The following MELK variants were observed in gnomAD, a reference collection of about 807,000 sequenced individuals.
MELK encodes maternal embryonic leucine zipper kinase.
In MELK, 81 loss-of-function variants were observed where a neutral mutation model predicts 85.0. The ratio of observed to expected loss-of-function variants is 0.95; its 90% confidence interval spans 0.80 to 1.15. The LOEUF (loss-of-function observed/expected upper bound fraction) is 1.15, where lower values mean the gene tolerates loss of function less well. Among genes scored for constraint, MELK ranks in the 50% most tolerant of loss-of-function variants. MELK has a pLI of 0.00. For missense variants in MELK, 754 were observed against 777.5 expected, an observed-to-expected ratio of 0.97 and a Z score of 0.36; for synonymous variants, 252 against 265.0, an observed-to-expected ratio of 0.95 and a Z score of 0.48.
chr9:36,655,017 A>G (rs566618826), intron 12 of MELK, among the ~76,000 whole-genome samples: 2 of 152,242 alleles, frequency 1.3e-5, no homozygotes, highest in African/African-American at 2.4e-5. Flanking sequence ...TGATCGATCA[A>G]TCAATCAATA....
chr9:36,616,521 C>T (rs894687778), intron 8 of MELK, among the ~76,000 whole-genome samples: 2 of 151,304 alleles, frequency 1.3e-5, no homozygotes, highest in Admixed American at 6.6e-5. Context: ...TCCTGAATAG[C>T]TGGGATTACA....
At chr9:36,631,512 C>T (rs1057474020) in intron 9 of MELK, among the ~76,000 whole-genome samples, 26 of 151,772 alleles carry the variant, frequency 1.7e-4, no homozygotes, top group South Asian at 4.2e-4. Context: ...GTGATCCACC[C>T]GCCTTGGCCT....
In MELK at chr9:36,669,529, C is replaced by A. The variant is rs183468632; in HGVS notation, c.1505+123C>A. On this transcript the variant is annotated intron_variant, in intron 15 of 17. Coordinates refer to ENST00000298048, the MANE Select transcript of MELK (RefSeq NM_014791.4). ...AGATTCTGTTGGAGAGTAGGAATATCTGTTTATGTGTGGATGACCTGTGGC... is the reference window on the plus strand; with the variant it reads ...AGATTCTGTTGGAGAGTAGGAATATATGTTTATGTGTGGATGACCTGTGGC... The A allele has an allele frequency of 6.4e-5, 44 of 682,896 alleles. No individual in the cohort carries two copies. In the African/African-American group the frequency reaches 8.1e-4, roughly 13 times the overall value. The allele number at this position is 682,896 out of a possible 1,614,324, so 42.3% of individuals were successfully genotyped here.
chr9:36,630,749 GTT>G (rs1471264706), intron 9 of MELK, among the ~76,000 whole-genome samples: 3 of 152,074 alleles, frequency 2.0e-5, no homozygotes, highest in Non-Finnish European at 4.4e-5. Context: ...CGCCTTCTGG[GTT>G]CAAGTGCTTT....
At chr9:36,624,688 CTT>C (rs1159356911) in intron 8 of MELK, among the ~76,000 whole-genome samples, 1 of 152,114 alleles carries the variant, frequency 6.6e-6, no homozygotes, top group African/African-American at 2.4e-5. Flanking sequence ...GTAGAGCTCT[CTT>C]TATTTAGTAC....
At chr9:36,598,731 C>T (rs1006712436) in intron 6 of MELK, among the ~76,000 whole-genome samples, 2 of 151,970 alleles carry the variant, frequency 1.3e-5, no homozygotes, top group African/African-American at 2.4e-5. Flanking sequence ...ATAAATTTTT[C>T]CCCCCGGGAT....
intron 10 of MELK, among the ~76,000 whole-genome samples, chr9:36,639,323 A>G (rs1014081470): frequency 2.6e-5 from 4 of 152,168 alleles, no homozygotes; most frequent in Non-Finnish European, 5.9e-5. Context: ...GTTGCTTTTT[A>G]AAGGATTTGC....
intron 4 of MELK, 52 bp downstream of exon 4, chr9:36,589,704 TAAAAGAG>T (rs1295686883): frequency 7.6e-7 from 1 of 1,312,656 alleles, no homozygotes; most frequent in Admixed American, 1.8e-5. Context: ...TTATCAATAG[TAAAAGAG>T]AAAAGTACAT....
chr9:36,607,909 C>T lies in MELK; in HGVS notation c.666+236C>T, dbSNP rs533503041. ...CCCTTGTCAGCAGTTTTGCTTTCTG[C>T]GGTCTTAGTTGCCCATGGTCAACTG... On this transcript the variant is annotated intron_variant, in intron 8 of 17. Coordinates refer to ENST00000298048, the MANE Select transcript of MELK (RefSeq NM_014791.4). Among the ~76,000 whole-genome samples, 7 of 152,202 alleles carry T rather than the reference C, an allele frequency of 4.6e-5. No individual in the cohort carries two copies. In the South Asian group the frequency reaches 1.0e-3, roughly 23 times the overall value.
At chr9:36,581,867 A>G in intron 2 of MELK, 128 bp downstream of exon 2, 1 of 642,524 alleles carries the variant, frequency 1.6e-6, no homozygotes, top group Non-Finnish European at 2.6e-6. Context: ...CTTCAGTAAG[A>G]AAAAGTGGAG....
intron 8 of MELK, among the ~76,000 whole-genome samples, chr9:36,612,945 G>T (rs1826196132): frequency 6.6e-6 from 1 of 152,164 alleles, no homozygotes; most frequent in South Asian, 2.1e-4. Flanking sequence ...AACTAACATA[G>T]ATCATAACAT....
At chr9:36,619,612 TA>T (rs11451344) in intron 8 of MELK, among the ~76,000 whole-genome samples, 5 of 151,552 alleles carry the variant, frequency 3.3e-5, no homozygotes, top group East Asian at 1.9e-4. Flanking sequence ...TATGTAGATT[TA>T]AAAAAAAATG....
At chr9:36,628,577 G>A (rs1276343609) in intron 8 of MELK, among the ~76,000 whole-genome samples, 4 of 151,584 alleles carry the variant, frequency 2.6e-5, no homozygotes, top group African/African-American at 7.3e-5. Context: ...GTGCCACCAC[G>A]CCCGGCTAAT....
At chr9:36,615,109 C>T (rs1182105460) in intron 8 of MELK, among the ~76,000 whole-genome samples, 15 of 144,420 alleles carry the variant, frequency 1.0e-4, no homozygotes, top group Admixed American at 6.7e-4. Flanking sequence ...GGCGGCTGGC[C>T]GGGCAGAGGG....
At chr9:36,593,858 A>G (rs1487055709) in intron 4 of MELK, among the ~76,000 whole-genome samples, 1 of 151,952 alleles carries the variant, frequency 6.6e-6, no homozygotes, top group African/African-American at 2.4e-5. Flanking sequence ...CGCCTGGCTA[A>G]TTTTTTGTAT....
chr9:36,648,150 C>T (rs940624345), intron 11 of MELK, among the ~76,000 whole-genome samples: 1 of 152,058 alleles, frequency 6.6e-6, no homozygotes, highest in Middle Eastern at 3.4e-3. Flanking sequence ...AAGTTTACGT[C>T]GAACACTTCC....
chr9:36,573,056 T>TG (rs1821249305), intron 1 of MELK, 49 bp downstream of exon 1: 1 of 152,358 alleles, frequency 6.6e-6, no homozygotes, highest in Non-Finnish European at 1.5e-5. Flanking sequence ...GGCTGGGGTC[T>TG]GGGCTGTGCG....
intron 12 of MELK, among the ~76,000 whole-genome samples, chr9:36,653,975 G>A (rs1306580376): frequency 2.6e-5 from 4 of 151,606 alleles, no homozygotes; most frequent in Non-Finnish European, 5.9e-5. Flanking sequence ...CTCCCTAGTT[G>A]GTCAGTGCAC....
rs766333063 is a variant in MELK at position 36,677,171 on chromosome 9, AG to A, written c.1791del (p.Lys597AsnfsTer11). 2.0e-5 allele frequency: 33 copies of A among 1,613,542 alleles called. No individual in the cohort carries two copies. In the East Asian group the frequency reaches 7.1e-4, roughly 35 times the overall value. ...CTTGTTTTTCACAGTTATACACTGA[AG>A]TGTCAAACACAGTCAGATTTTGGGA... ...VDFVQKGYTL[K>X]CQTQSDFGKV... On this transcript the variant is annotated frameshift_variant, in exon 18 of 18. Transcript: ENST00000298048. LOFTEE classifies it high-confidence loss of function.
Sources: allele counts gnomAD v4.1 joint callset (sites outside exome capture counted in the v4.1 genomes callset), GRCh38; gene constraint gnomAD v4.1.1; transcripts MANE v1.5; gene names NCBI Gene and HGNC (gene_info 2026-07-23, HGNC 2026-07-21).